NPC1: variants seen among roughly 807,000 people sequenced by gnomAD.
The protein encoded by NPC1 is Niemann-Pick C1 protein.
Under a neutral mutation model 140.4 loss-of-function variants are expected in NPC1, and 85 were observed. That is an observed-to-expected ratio of 0.61 (90% confidence interval 0.51 to 0.72). The LOEUF is 0.72. Ranked by LOEUF, NPC1 falls within the 30% of genes least tolerant of loss-of-function variation. The pLI is 0.00. For synonymous variants in NPC1, 656 were observed against 624.8 expected (o/e 1.05, Z -0.74); for missense variants, 1,504 against 1,623.8 (o/e 0.93, Z 1.27).
chr18:23,580,989 G>A (rs559328976), intron 1 of NPC1, among the ~76,000 whole-genome samples: 14 of 152,334 alleles, frequency 9.2e-5, no homozygotes, highest in African/African-American at 3.1e-4. Flanking sequence ...AGGCCTGCCT[G>A]CATGTGGGTG....
At chr18:23,514,383 C>T (rs1567918706) in intron 3 of NPC1, among the ~76,000 whole-genome samples, 1 of 152,276 alleles carries the variant, frequency 6.6e-6, no homozygotes, top group South Asian at 2.1e-4. Flanking sequence ...GCCGTCTCTA[C>T]TGTCTCAAAA....
intron 3 of NPC1, among the ~76,000 whole-genome samples, chr18:23,571,107 A>G (rs1172183488): frequency 1.3e-5 from 2 of 152,186 alleles, no homozygotes; most frequent in Admixed American, 6.5e-5. Context: ...AGAACATCGC[A>G]GAGGAAACCA....
At chr18:23,562,622 G>C in intron 4 of NPC1, among the ~76,000 whole-genome samples, 1 of 152,082 alleles carries the variant, frequency 6.6e-6, no homozygotes. Flanking sequence ...GCTCTATCAT[G>C]GCTGGTAAGA....
intron 10 of NPC1, 115 bp downstream of exon 10, chr18:23,551,512 T>A (rs2058872354): frequency 1.9e-5 from 16 of 836,314 alleles, no homozygotes; most frequent in South Asian, 1.9e-4. Context: ...ATTCAAGAGG[T>A]AAGAAATTAA....
chr18:23,550,803 T>G (rs1296305806), intron 10 of NPC1, among the ~76,000 whole-genome samples: 3 of 152,272 alleles, frequency 2.0e-5, no homozygotes, highest in Non-Finnish European at 1.5e-5. Context: ...TACATTTCAA[T>G]CTTTTATCCA....
At chr18:23,524,851 G>A (rs940435572), downstream of NPC1, among the ~76,000 whole-genome samples, 1 of 151,596 alleles carries the variant, frequency 6.6e-6, no homozygotes, top group East Asian at 1.9e-4. Flanking sequence ...GCATGAGCCC[G>A]GGAGGTGTGC....
At chr18:23,569,260 C>T (rs1368457632) in intron 3 of NPC1, among the ~76,000 whole-genome samples, 2 of 152,190 alleles carry the variant, frequency 1.3e-5, no homozygotes, top group African/African-American at 4.8e-5. Flanking sequence ...GAATTCTGCA[C>T]TTTATAATTT....
intron 4 of NPC1, among the ~76,000 whole-genome samples, chr18:23,565,606 G>A (rs1010836149): frequency 3.3e-5 from 5 of 152,066 alleles, no homozygotes; most frequent in South Asian, 2.1e-4. Context: ...TGCCTGCCTC[G>A]GCCTTCCAAA....
At position 23,544,946 on chromosome 18, in the gene NPC1, C is replaced by CCCCCT. The variant is rs1555634642; in HGVS notation, c.1947+13_1947+14insAGGGG. ...GTTAACCTCTAGAACATACACCACC[C>CCCCCT]CCCCCCGGCTTACCAGAAGCCTGCG... On this transcript the variant is annotated intron_variant, in intron 12 of 24. Coordinates refer to ENST00000269228, the MANE Select transcript of NPC1 (RefSeq NM_000271.5). The CCCCCT allele has an allele frequency of 1.6e-5, 21 of 1,329,696 alleles. No individual in the cohort carries two copies. The highest frequency in any genetic ancestry group is 1.4e-4 in the East Asian group (5 of 36,574). 82.4% of individuals were successfully genotyped at this position (1,329,696 alleles called of 1,614,324 possible). A position where few individuals can be genotyped will look rare whatever the true frequency, so the allele number is the denominator to read the frequency against.
At chr18:23,526,564 T>A, downstream of NPC1, 1 of 1,570,130 alleles carries the variant, frequency 6.4e-7, no homozygotes. Flanking sequence ...CCGCAGATGT[T>A]TAGGGGAACC....
At chr18:23,542,082 G>T (rs541115173) in intron 14 of NPC1, among the ~76,000 whole-genome samples, 1 of 152,176 alleles carries the variant, frequency 6.6e-6, no homozygotes, top group African/African-American at 2.4e-5. Context: ...GCACTGGGTT[G>T]GCCACACACA....
chr18:23,531,264 C>T (rs1226912179), downstream of NPC1, among the ~76,000 whole-genome samples: 1 of 152,150 alleles, frequency 6.6e-6, no homozygotes, highest in Non-Finnish European at 1.5e-5. Flanking sequence ...GCTGGGATTA[C>T]AGGTTTGAGC....
rs2058527445 is a variant in NPC1, at chr18:23,532,036, C to T, written c.*166G>A. On this transcript the variant is annotated 3_prime_UTR_variant, in exon 25 of 25. Coordinates refer to ENST00000269228, the MANE Select transcript of NPC1 (RefSeq NM_000271.5). ...GATCTAGTAATACTGCTTCCCAAGT[C>T]AACTGTGCATTCCTGAGTTCACAGG... is the stretch of plus-strand genomic sequence containing the variant. The T allele has an allele frequency of 1.9e-6, 3 of 1,553,168 alleles. No homozygotes were observed. The highest frequency in any genetic ancestry group is 8.7e-7 in the Non-Finnish European group (1 of 1,151,600).
Position 23,556,111 on chromosome 18 carries a change from ATT to A in NPC1, c.1326+130_1326+131del, listed in dbSNP as rs145971241. 3.0e-3 allele frequency: 2,394 copies of A among 807,624 alleles called. 43 individuals carry two copies. The African/African-American group carries it at 0.036, about 12-fold the overall frequency. The allele number at this position is 807,624 out of a possible 1,614,324, so 50.0% of individuals were successfully genotyped here. A position where few individuals can be genotyped will look rare whatever the true frequency, so the allele number is the denominator to read the frequency against. On this transcript the variant is annotated intron_variant, in intron 8 of 24. Coordinates refer to ENST00000269228, the MANE Select transcript of NPC1 (RefSeq NM_000271.5). Reference sequence around the variant, plus strand: ...AACCTAACTTAAAGGCAGCTTTGCCATTATACGCTAAGATTTTCAAGATATAC... The same window carrying A: ...AACCTAACTTAAAGGCAGCTTTGCCAATACGCTAAGATTTTCAAGATATAC...
At chr18:23,515,835 G>A (rs1241773600) in intron 3 of NPC1, 3 of 1,613,492 alleles carry the variant, frequency 1.9e-6, no homozygotes, top group Non-Finnish European at 2.5e-6. Context: ...TGAAGATCCT[G>A]TTTCTTAAAC....
rs771806960 is a variant in NPC1, at chr18:23,536,877, C to A, written c.3042-1G>T. The A allele has an allele frequency of 6.2e-7, 1 of 1,613,232 alleles. No homozygotes were observed. Among genetic ancestry groups the A allele is most frequent in the South Asian group, 1.1e-5 (1 of 90,978 alleles). ...TGCAGAACTATAGGCAGCATGTCCC[C>A]TGAGGAAAGAATCCTGGGTGTCAAG... On this transcript the variant is annotated splice_acceptor_variant, in intron 20 of 24. Transcript: ENST00000269228. LOFTEE classifies it high-confidence loss of function.
chr18:23,554,559 T>C (rs901160986), intron 9 of NPC1, among the ~76,000 whole-genome samples, 199 bp downstream of exon 9: 4 of 151,202 alleles, frequency 2.6e-5, no homozygotes, highest in African/African-American at 7.3e-5. Context: ...TGAGCCAAGA[T>C]TGCGCCACTG....
chr18:23,542,047 CA>C (rs2058719862), intron 14 of NPC1, among the ~76,000 whole-genome samples: 1 of 151,840 alleles, frequency 6.6e-6, no homozygotes, highest in South Asian at 2.1e-4. Context: ...GGAAGAAAAA[CA>C]ACAACAACAA....
chr18:23,561,789 T>C lies in NPC1; in HGVS notation c.464-262A>G, dbSNP rs568043079. On this transcript the variant is annotated intron_variant, in intron 4 of 24. Coordinates refer to ENST00000269228, the MANE Select transcript of NPC1 (RefSeq NM_000271.5). ...AAAGGGAAAGGCACACGTTATCTCA[T>C]AGCTCTCACAACAGCTTGGAGAAGT... Among the ~76,000 whole-genome samples the C allele has an allele frequency of 2.2e-4, 34 of 152,292 alleles. No individual in the cohort carries two copies. In the East Asian group the frequency reaches 4.4e-3, roughly 20 times the overall value.
Sources: gnomAD v4.1 joint callset for allele counts (sites outside exome capture counted in the v4.1 genomes callset) on GRCh38, gnomAD v4.1.1 for gene constraint, MANE v1.5 for transcripts, NCBI Gene and HGNC (gene_info 2026-07-23, HGNC 2026-07-21) for gene names.